MRAS: variants seen among roughly 807,000 people sequenced by gnomAD.
MRAS encodes ras-related protein M-Ras.
A neutral mutation model predicts 20.9 loss-of-function variants in MRAS; 4 were observed. That is an observed-to-expected ratio of 0.19 (90% CI 0.09 to 0.44). MRAS has a LOEUF of 0.44. Ranked by LOEUF, MRAS falls within the 20% of genes least tolerant of loss-of-function variation. The probability of loss-of-function intolerance (pLI) is 0.99; values close to 1 mark genes in which losing one functional copy is unlikely to be tolerated. For synonymous variants in MRAS, 98 were observed against 102.9 expected, an observed-to-expected ratio of 0.95 and a Z score of 0.29; for missense variants, 154 against 277.5, an observed-to-expected ratio of 0.56 and a Z score of 3.16.
chr3:138,384,623 G>A (rs532537428), intron 2 of MRAS, among the ~76,000 whole-genome samples: 1 of 152,292 alleles, frequency 6.6e-6, no homozygotes, highest in Non-Finnish European at 1.5e-5. Context: ...GTAGAAGTCA[G>A]GGTGGCAGCT....
chr3:138,393,467 C>A (rs902035799), intron 2 of MRAS, among the ~76,000 whole-genome samples: 2 of 152,236 alleles, frequency 1.3e-5, no homozygotes, highest in East Asian at 3.9e-4. Context: ...TGTAAGAATT[C>A]TTCCAGAAAG....
At chr3:138,379,572 G>A (rs1221260548) in intron 2 of MRAS, among the ~76,000 whole-genome samples, 2 of 152,064 alleles carry the variant, frequency 1.3e-5, no homozygotes, top group Non-Finnish European at 2.9e-5. Flanking sequence ...TGGCTAGGTT[G>A]GTCTCGAACT....
intron 1 of MRAS, among the ~76,000 whole-genome samples, chr3:138,354,024 A>C (rs2054280886): frequency 6.6e-6 from 1 of 152,140 alleles, no homozygotes; most frequent in Non-Finnish European, 1.5e-5. Context: ...TATCCCATGG[A>C]GGTGTGGCTC....
At chr3:138,351,749 A>G (rs1488699128) in intron 1 of MRAS, among the ~76,000 whole-genome samples, 1 of 152,214 alleles carries the variant, frequency 6.6e-6, no homozygotes, top group Admixed American at 6.5e-5. Context: ...AAGTTCCTGC[A>G]TGGGACAGGT....
At chr3:138,372,298 A>C (rs1199334) in intron 1 of MRAS, among the ~76,000 whole-genome samples, 2 of 152,028 alleles carry the variant, frequency 1.3e-5, no homozygotes, top group African/African-American at 2.4e-5. Context: ...TGATTCCCGC[A>C]TGACTTTGTG....
At chr3:138,387,953 G>A (rs1350863140) in intron 2 of MRAS, among the ~76,000 whole-genome samples, 2 of 152,140 alleles carry the variant, frequency 1.3e-5, no homozygotes, top group East Asian at 1.9e-4. Context: ...GCTGATGGCC[G>A]GCACTTCTCC....
intron 2 of MRAS, among the ~76,000 whole-genome samples, chr3:138,375,296 A>G (rs911235844): frequency 2.6e-5 from 4 of 152,198 alleles, no homozygotes; most frequent in African/African-American, 9.6e-5. Context: ...ACTTTTGTTT[A>G]CAATTCTTAT....
chr3:138,376,999 G>A (rs1005817415), intron 2 of MRAS, among the ~76,000 whole-genome samples: 2 of 152,192 alleles, frequency 1.3e-5, no homozygotes, highest in Non-Finnish European at 2.9e-5. Context: ...AGTACCTTTG[G>A]ATGTTAAATT....
At chr3:138,368,288 GTGTA>G (rs1157189095) in intron 1 of MRAS, among the ~76,000 whole-genome samples, 3 of 152,184 alleles carry the variant, frequency 2.0e-5, no homozygotes, top group Non-Finnish European at 4.4e-5. Flanking sequence ...GTGTGTGAGT[GTGTA>G]TGTGTGAGTG....
intron 2 of MRAS, among the ~76,000 whole-genome samples, chr3:138,381,690 C>T (rs1401348595): frequency 6.6e-6 from 1 of 152,212 alleles, no homozygotes; most frequent in Non-Finnish European, 1.5e-5. Context: ...TCCGACTCCC[C>T]AGCAAGTGCC....
At chr3:138,398,092 G>A (rs2108563025) in intron 3 of MRAS, among the ~76,000 whole-genome samples, 1 of 152,262 alleles carries the variant, frequency 6.6e-6, no homozygotes, top group African/African-American at 2.4e-5. Flanking sequence ...GAATCTTTAC[G>A]GTGGCCATGC....
chr3:138,384,925 A>G (rs995945796), intron 2 of MRAS, among the ~76,000 whole-genome samples: 1 of 152,204 alleles, frequency 6.6e-6, no homozygotes, highest in Admixed American at 6.5e-5. Context: ...AGGATGAGGA[A>G]CTGAGAAGCA....
intron 2 of MRAS, among the ~76,000 whole-genome samples, chr3:138,396,930 C>T (rs1289443095): frequency 1.3e-5 from 2 of 152,278 alleles, no homozygotes; most frequent in African/African-American, 4.8e-5. Context: ...GTCAGGCAGC[C>T]TCCCAAAGAG....
intron 2 of MRAS, among the ~76,000 whole-genome samples, chr3:138,392,249 A>G (rs994703969): frequency 2.0e-5 from 3 of 152,220 alleles, no homozygotes; most frequent in African/African-American, 7.2e-5. Context: ...ATTCTGCCCC[A>G]GAGGCTGGAG....
At chr3:138,348,982 C>G (rs1004467650) in intron 1 of MRAS, 5 of 152,016 alleles carry the variant, frequency 3.3e-5, no homozygotes, top group African/African-American at 1.2e-4. Flanking sequence ...CGGCCACGAC[C>G]AAGACCCCAG....
At chr3:138,363,124 C>T (rs1008411488) in intron 1 of MRAS, among the ~76,000 whole-genome samples, 1 of 152,006 alleles carries the variant, frequency 6.6e-6, no homozygotes. Flanking sequence ...GCAACCTCCG[C>T]CTCCCCAGTT....
chr3:138,351,757 G>A (rs1203666044), intron 1 of MRAS, among the ~76,000 whole-genome samples: 1 of 152,204 alleles, frequency 6.6e-6, no homozygotes, highest in Non-Finnish European at 1.5e-5. Context: ...GCATGGGACA[G>A]GTAGCCATAA....
intron 2 of MRAS, among the ~76,000 whole-genome samples, chr3:138,387,966 T>A (rs74803651): frequency 0.013 from 1,993 of 152,268 alleles, 43 homozygotes; most frequent in African/African-American, 0.044. Context: ...ACTTCTCCCC[T>A]GATGTTTTCC....
intron 1 of MRAS, among the ~76,000 whole-genome samples, chr3:138,360,364 G>A (rs562593993): frequency 1.9e-3 from 291 of 152,276 alleles, no homozygotes; most frequent in African/African-American, 6.3e-3. Flanking sequence ...TTGAACTGGC[G>A]GAACACCGTG....
Sources: gnomAD v4.1 joint callset for allele counts (sites outside exome capture counted in the v4.1 genomes callset) on GRCh38, gnomAD v4.1.1 for gene constraint, MANE v1.5 for transcripts, NCBI Gene and HGNC (gene_info 2026-07-23, HGNC 2026-07-21) for gene names.